Variants in PTPRD observed in about 807,000 individuals in gnomAD.
PTPRD encodes the protein receptor-type tyrosine-protein phosphatase delta.
Under a neutral mutation model 214.5 loss-of-function variants are expected in PTPRD, and 34 were observed. The observed-to-expected ratio is 0.16, with a 90% CI of 0.12 to 0.21. The LOEUF (loss-of-function observed/expected upper bound fraction) is 0.21, where lower values mean the gene tolerates loss of function less well. PTPRD is among the 10% of genes least tolerant of loss of function. The probability of loss-of-function intolerance (pLI) is 1.00; values close to 1 mark genes in which losing one functional copy is unlikely to be tolerated. For missense variants in PTPRD, 2,545 were observed against 2,398.7 expected, an observed-to-expected ratio of 1.06 and a Z score of -1.27; for synonymous variants, 1,128 against 845.7, an observed-to-expected ratio of 1.33 and a Z score of -5.79.
chr9:10,063,820 G>T (rs2097825185), intron 3 of PTPRD, among the ~76,000 whole-genome samples: 2 of 151,970 alleles, frequency 1.3e-5, no homozygotes, highest in Admixed American at 1.3e-4. Context: ...GCAGGTAGCA[G>T]TACTGGGGAA....
In PTPRD at chr9:8,818,451, T is replaced by C. The variant is rs528191086; in HGVS notation, c.-103-84505A>G. Among the ~76,000 whole-genome samples, 18 of 152,336 alleles carry C rather than the reference T, an allele frequency of 1.2e-4. 1 individual carries two copies. In the South Asian group the frequency reaches 3.7e-3, roughly 32 times the overall value. The stretch of plus-strand genomic sequence containing the variant: ...ATTTAGTAAACACTTACAGGCCAGG[T>C]AGTGTCCTAAGAGCTTTCTTCCTCA... On this transcript the variant is annotated intron_variant, in intron 11 of 45. Transcript: ENST00000381196.
chr9:9,308,632 G>GGAAAGAATCCCAAAATGGATT (rs1957890375), intron 9 of PTPRD, among the ~76,000 whole-genome samples: 2 of 151,936 alleles, frequency 1.3e-5, no homozygotes, highest in Admixed American at 1.3e-4. Flanking sequence ...CCTTATCAAT[G>GGAAAGAATCCCAAAATGGATT]GAAAGAATCC....
At chr9:10,279,187 A>ATGAATTGG (rs1432957297) in intron 3 of PTPRD, among the ~76,000 whole-genome samples, 1 of 152,178 alleles carries the variant, frequency 6.6e-6, no homozygotes, top group African/African-American at 2.4e-5. Context: ...TGTCAGTAGT[A>ATGAATTGG]AGAACATATT....
intron 11 of PTPRD, among the ~76,000 whole-genome samples, chr9:8,936,427 C>CAAAAAAAAAA (rs1181403459): frequency 0.031 from 960 of 31,246 alleles, 91 homozygotes; most frequent in East Asian, 0.072. Context: ...ACCCTGCCTC[C>CAAAAAAAAAA]AAAAAAAAAA....
intron 14 of PTPRD, among the ~76,000 whole-genome samples, chr9:8,564,564 T>C (rs927176344): frequency 6.6e-6 from 1 of 151,998 alleles, no homozygotes; most frequent in African/African-American, 2.4e-5. Flanking sequence ...TAGCCAGATG[T>C]GGTAGTGCGT....
At chr9:8,704,508 T>C (rs569674722) in intron 12 of PTPRD, among the ~76,000 whole-genome samples, 1 of 152,252 alleles carries the variant, frequency 6.6e-6, no homozygotes, top group South Asian at 2.1e-4. Context: ...TAGAGTATCA[T>C]GAACTTGAAA....
chr9:9,624,830 G>A (rs78085948), intron 7 of PTPRD, among the ~76,000 whole-genome samples: 7 of 146,582 alleles, frequency 4.8e-5, no homozygotes, highest in Non-Finnish European at 7.5e-5. Context: ...TAGATGCATT[G>A]AAAAAAAAAA....
chr9:9,239,538 T>G (rs1264328961), intron 9 of PTPRD, among the ~76,000 whole-genome samples: 1 of 152,176 alleles, frequency 6.6e-6, no homozygotes, highest in African/African-American at 2.4e-5. Flanking sequence ...TGTGATATTT[T>G]TGATACTTGC....
intron 2 of PTPRD, among the ~76,000 whole-genome samples, chr9:10,522,853 G>T (rs929225505): frequency 2.0e-5 from 3 of 151,890 alleles, no homozygotes; most frequent in African/African-American, 7.3e-5. Context: ...TGCATAAATA[G>T]AAATATTAAT....
chr9:10,341,219 A>G (rs139134538), intron 2 of PTPRD, among the ~76,000 whole-genome samples: 32 of 152,070 alleles, frequency 2.1e-4, no homozygotes, highest in African/African-American at 7.2e-4. Context: ...CAGCAGATTC[A>G]TGAAAAATTG....
chr9:10,488,118 A>G (rs1035311581), intron 2 of PTPRD, among the ~76,000 whole-genome samples: 6 of 151,786 alleles, frequency 4.0e-5, no homozygotes, highest in Non-Finnish European at 7.4e-5. Context: ...CTGTAATCCT[A>G]GCACTTTGGG....
intron 8 of PTPRD, among the ~76,000 whole-genome samples, chr9:9,447,631 C>T (rs951161362): frequency 3.9e-5 from 6 of 151,948 alleles, no homozygotes; most frequent in African/African-American, 1.4e-4. Flanking sequence ...AAATGTTTAC[C>T]TGTATGAGAA....
At chr9:9,600,182 G>C (rs1214239283) in intron 7 of PTPRD, among the ~76,000 whole-genome samples, 1 of 152,076 alleles carries the variant, frequency 6.6e-6, no homozygotes, top group African/African-American at 2.4e-5. Context: ...AAACAAGAAA[G>C]ACTTTCTAGC....
At chr9:8,753,150 G>C (rs536224190) in intron 11 of PTPRD, among the ~76,000 whole-genome samples, 31 of 152,142 alleles carry the variant, frequency 2.0e-4, no homozygotes, top group Non-Finnish European at 3.5e-4. Context: ...TAGAATATCA[G>C]AACTTATTTG....
intron 9 of PTPRD, among the ~76,000 whole-genome samples, chr9:9,375,083 G>T (rs1271603543): frequency 6.6e-6 from 1 of 152,142 alleles, no homozygotes; most frequent in South Asian, 2.1e-4. Flanking sequence ...GTGTGTGTAT[G>T]TGTATGTGCG....
chr9:8,359,011 G>C (rs904605290), intron 39 of PTPRD, among the ~76,000 whole-genome samples: 7 of 147,288 alleles, frequency 4.8e-5, no homozygotes, highest in Admixed American at 2.7e-4. Flanking sequence ...GGGAGGCTGA[G>C]GCAGGAGAAT....
At chr9:10,075,828 C>A (rs188343019) in intron 3 of PTPRD, among the ~76,000 whole-genome samples, 23 of 152,106 alleles carry the variant, frequency 1.5e-4, no homozygotes, top group Non-Finnish European at 2.8e-4. Flanking sequence ...GGCTGAGGTT[C>A]TTTTCATTTC....
At chr9:8,606,272 T>C (rs562296736) in intron 14 of PTPRD, among the ~76,000 whole-genome samples, 1 of 152,108 alleles carries the variant, frequency 6.6e-6, no homozygotes, top group Non-Finnish European at 1.5e-5. Context: ...CAGTAGCCAA[T>C]AGGCATGATT....
At chr9:10,034,913 G>A (rs1382341538) in intron 3 of PTPRD, among the ~76,000 whole-genome samples, 1 of 152,076 alleles carries the variant, frequency 6.6e-6, no homozygotes, top group Non-Finnish European at 1.5e-5. Context: ...CTTTATAATA[G>A]AACAATTCAT....
Sources: allele counts gnomAD v4.1 joint callset (sites outside exome capture counted in the v4.1 genomes callset), GRCh38; gene constraint gnomAD v4.1.1; transcripts MANE v1.5; gene names NCBI Gene and HGNC (gene_info 2026-07-23, HGNC 2026-07-21).